The following EXOC6B variants were observed in gnomAD, a reference collection of about 807,000 sequenced individuals.
The protein encoded by EXOC6B is SEC15 homolog B.
A neutral mutation model predicts 113.5 loss-of-function variants in EXOC6B; 54 were observed. The ratio of observed to expected loss-of-function variants is 0.48; its 90% CI spans 0.38 to 0.60. The LOEUF is 0.60. Ranked by LOEUF, EXOC6B falls within the 20% of genes least tolerant of loss-of-function variation. EXOC6B has a pLI of 0.00. For synonymous variants in EXOC6B, 357 were observed against 339.0 expected (o/e 1.05, Z -0.58); for missense variants, 797 against 977.5 (o/e 0.82, Z 2.46).
At chr2:72,446,945 C>T (rs1375868322) in intron 18 of EXOC6B, among the ~76,000 whole-genome samples, 1 of 151,768 alleles carries the variant, frequency 6.6e-6, no homozygotes, top group Non-Finnish European at 1.5e-5. Context: ...ACTAAAAATA[C>T]AAAAAAATTA....
chr2:72,271,300 G>A (rs1158673285), intron 20 of EXOC6B, among the ~76,000 whole-genome samples: 1 of 152,142 alleles, frequency 6.6e-6, no homozygotes, highest in African/African-American at 2.4e-5. Context: ...CTGACTACTT[G>A]AGAGTAATAG....
chr2:72,723,066 G>A (rs1293700252), intron 5 of EXOC6B, among the ~76,000 whole-genome samples: 2 of 152,012 alleles, frequency 1.3e-5, no homozygotes, highest in African/African-American at 2.4e-5. Flanking sequence ...TTCAATATCC[G>A]TGACAGGTTA....
chr2:72,231,113 T>C lies in EXOC6B; in HGVS notation c.2197-46926A>G, dbSNP rs80018719. On this transcript the variant is annotated intron_variant, in intron 20 of 21. Transcript: ENST00000272427. ...AGTTCTGGTTCAACACAGTGAAAGA[T>C]TTCCCCAACTTTCCCAACTTCCTAT... 1.8e-3 allele frequency among the ~76,000 whole-genome samples: 272 copies of C among 152,276 alleles called. 7 individuals are homozygous for C. In the East Asian group the frequency reaches 0.048, roughly 27 times the overall value.
At chr2:72,715,522 C>T (rs1679557737) in intron 6 of EXOC6B, among the ~76,000 whole-genome samples, 1 of 150,688 alleles carries the variant, frequency 6.6e-6, no homozygotes, top group Non-Finnish European at 1.5e-5. Flanking sequence ...AGCCAGCGTG[C>T]AGCTAGGAGC....
intron 20 of EXOC6B, among the ~76,000 whole-genome samples, chr2:72,286,844 CA>C (rs1175019554): frequency 6.6e-6 from 1 of 151,890 alleles, no homozygotes; most frequent in African/African-American, 2.4e-5. Flanking sequence ...AGATACCTAG[CA>C]AATCCAAAAA....
chr2:72,685,699 T>C (rs781431810), intron 6 of EXOC6B, among the ~76,000 whole-genome samples: 3 of 152,216 alleles, frequency 2.0e-5, no homozygotes, highest in Non-Finnish European at 4.4e-5. Flanking sequence ...CCTTGAATTG[T>C]AACATGGGAC....
In EXOC6B at chr2:72,394,791, T is replaced by A. The variant is rs575988948; in HGVS notation, c.1981-14921A>T. 4.6e-5 allele frequency among the ~76,000 whole-genome samples: 7 copies of A among 152,268 alleles called. No homozygotes were observed. In the South Asian group the frequency reaches 8.3e-4, roughly 18 times the overall value. On this transcript the variant is annotated intron_variant, in intron 18 of 21. Transcript: ENST00000272427. ...TGATGAAATAATCTACAAAGCCCTA[T>A]TAGTTCCTGTTTTCTGACCCTATCC...
chr2:72,536,393 T>C (rs1335986329), intron 8 of EXOC6B, among the ~76,000 whole-genome samples: 1 of 152,218 alleles, frequency 6.6e-6, no homozygotes, highest in South Asian at 2.1e-4. Flanking sequence ...TATATGTATA[T>C]ATTACCATAT....
intron 19 of EXOC6B, among the ~76,000 whole-genome samples, chr2:72,346,296 G>C (rs1196453871): frequency 6.6e-6 from 1 of 152,120 alleles, no homozygotes; most frequent in Non-Finnish European, 1.5e-5. Flanking sequence ...CCTTCCTGCT[G>C]CTGCTAAATA....
chr2:72,350,844 G>A (rs1178096613), intron 19 of EXOC6B, among the ~76,000 whole-genome samples: 1 of 152,138 alleles, frequency 6.6e-6, no homozygotes, highest in Non-Finnish European at 1.5e-5. Context: ...TGATAGACTG[G>A]TGCTTTTTAA....
chr2:72,607,556 C>G (rs1439942877), intron 6 of EXOC6B, among the ~76,000 whole-genome samples: 1 of 152,064 alleles, frequency 6.6e-6, no homozygotes, highest in Non-Finnish European at 1.5e-5. Flanking sequence ...CTGTATAATA[C>G]TTAGTCCAAG....
chr2:72,804,954 T>C (rs1164950118), intron 1 of EXOC6B, among the ~76,000 whole-genome samples: 1 of 152,182 alleles, frequency 6.6e-6, no homozygotes, highest in African/African-American at 2.4e-5. Flanking sequence ...TGATTGCCCT[T>C]AGAGATTAGC....
chr2:72,493,724 A>T (rs550929579), intron 15 of EXOC6B, among the ~76,000 whole-genome samples: 3 of 152,192 alleles, frequency 2.0e-5, no homozygotes, highest in Admixed American at 1.3e-4. Flanking sequence ...CTTTCTTTCA[A>T]AAAGAAAGTT....
chr2:72,371,855 AG>A (rs1447393204), intron 19 of EXOC6B, among the ~76,000 whole-genome samples: 1 of 152,160 alleles, frequency 6.6e-6, no homozygotes, highest in East Asian at 1.9e-4. Context: ...AAAAGAAAAA[AG>A]GGTCATCCAA....
At chr2:72,596,661 CAAAG>C (rs1670092562) in intron 6 of EXOC6B, among the ~76,000 whole-genome samples, 1 of 152,008 alleles carries the variant, frequency 6.6e-6, no homozygotes, top group African/African-American at 2.4e-5. Flanking sequence ...TATTTTTTAA[CAAAG>C]AGAGAGAGAT....
intron 20 of EXOC6B, among the ~76,000 whole-genome samples, chr2:72,194,780 A>G (rs1209507350): frequency 6.6e-6 from 1 of 152,138 alleles, no homozygotes; most frequent in Non-Finnish European, 1.5e-5. Flanking sequence ...GAACTGTGGT[A>G]GAGAGAGGTT....
chr2:72,731,319 C>A lies in EXOC6B; in HGVS notation c.328-74G>T, dbSNP rs931724018. 8 of 1,139,810 alleles carry A rather than the reference C, an allele frequency of 7.0e-6. No individual in the cohort carries two copies. The East Asian group carries it at 1.5e-4, about 21-fold the overall frequency. 70.6% of individuals were successfully genotyped at this position (1,139,810 alleles called of 1,614,324 possible). A position where few individuals can be genotyped will look rare whatever the true frequency, so the allele number is the denominator to read the frequency against. On this transcript the variant is annotated intron_variant, in intron 3 of 21. Coordinates refer to ENST00000272427, the MANE Select transcript of EXOC6B (RefSeq NM_015189.3). ...AAGCTTTCAGTCACATTTTTCCACA[C>A]TGTGTTCAATTCATCAGAAAATCCC...
At chr2:72,724,837 T>C (rs1680210118) in intron 5 of EXOC6B, among the ~76,000 whole-genome samples, 1 of 152,060 alleles carries the variant, frequency 6.6e-6, no homozygotes, top group African/African-American at 2.4e-5. Context: ...GAGAGATCAA[T>C]GTGCTCGAAC....
intron 17 of EXOC6B, among the ~76,000 whole-genome samples, chr2:72,476,746 G>A (rs781623536): frequency 3.3e-5 from 5 of 151,856 alleles, no homozygotes; most frequent in African/African-American, 1.2e-4. Flanking sequence ...AAAGACTTTA[G>A]AATAAAGTCC....
Sources: allele counts gnomAD v4.1 joint callset (sites outside exome capture counted in the v4.1 genomes callset), GRCh38; gene constraint gnomAD v4.1.1; transcripts MANE v1.5; gene names NCBI Gene and HGNC (gene_info 2026-07-23, HGNC 2026-07-21).